Variants in DYRK1A observed in about 807,000 individuals in gnomAD.
DYRK1A encodes dual specificity tyrosine phosphorylation regulated kinase 1A.
A neutral mutation model predicts 79.7 loss-of-function variants in DYRK1A; 9 were observed. The ratio of observed to expected loss-of-function variants is 0.11; its 90% CI spans 0.07 to 0.20. The LOEUF (loss-of-function observed/expected upper bound fraction) is 0.20. DYRK1A is among the 10% of genes least tolerant of loss of function. The pLI is 1.00. For synonymous variants in DYRK1A, 349 were observed against 329.7 expected, an observed-to-expected ratio of 1.06 and a Z score of -0.63; for missense variants, 622 against 956.0, an observed-to-expected ratio of 0.65 and a Z score of 4.61.
chr21:37,500,833 A>G (rs1006046295), intron 9 of DYRK1A, among the ~76,000 whole-genome samples: 57 of 151,582 alleles, frequency 3.8e-4, no homozygotes, highest in Non-Finnish European at 6.6e-4. Context: ...GATATTGGCC[A>G]TTTGTACTTT....
At chr21:37,401,982 C>A (rs888827303) in intron 1 of DYRK1A, among the ~76,000 whole-genome samples, 3 of 152,122 alleles carry the variant, frequency 2.0e-5, no homozygotes, top group Non-Finnish European at 4.4e-5. Flanking sequence ...TGACAATTTC[C>A]ACTTCCCACT....
chr21:37,471,646 C>CA (rs1390861221), intron 2 of DYRK1A, among the ~76,000 whole-genome samples: 1 of 152,308 alleles, frequency 6.6e-6, no homozygotes, highest in East Asian at 1.9e-4. Flanking sequence ...GGCCATACAG[C>CA]TGGTCACCGG....
intron 4 of DYRK1A, among the ~76,000 whole-genome samples, 164 bp downstream of exon 4, chr21:37,478,464 A>G (rs2052482476): frequency 6.6e-6 from 1 of 152,210 alleles, no homozygotes; most frequent in African/African-American, 2.4e-5. Context: ...TATGTAAAAG[A>G]TATATTAACA....
intron 2 of DYRK1A, among the ~76,000 whole-genome samples, chr21:37,438,444 A>T (rs982632669): frequency 2.0e-5 from 3 of 151,962 alleles, no homozygotes; most frequent in African/African-American, 7.3e-5. Flanking sequence ...TAGATTTTAC[A>T]GTTTTAGGTT....
At chr21:37,495,166 G>GTGTA (rs1377672468) in intron 8 of DYRK1A, among the ~76,000 whole-genome samples, 884 of 82,732 alleles carry the variant, frequency 0.011, 11 homozygotes, top group African/African-American at 0.034. Flanking sequence ...GTGTGTGTGT[G>GTGTA]TGTGTGTGTG....
At chr21:37,374,519 T>C (rs1023643525) in intron 1 of DYRK1A, among the ~76,000 whole-genome samples, 10 of 151,842 alleles carry the variant, frequency 6.6e-5, no homozygotes, top group African/African-American at 2.4e-4. Flanking sequence ...CTCAGATGCC[T>C]CTCTTTCTGT....
At chr21:37,490,035 T>A in intron 6 of DYRK1A, 140 bp from the exon 7 acceptor site, 1 of 842,510 alleles carries the variant, frequency 1.2e-6, no homozygotes, top group Non-Finnish European at 1.8e-6. Flanking sequence ...ACTGCTGTTA[T>A]TACAAAATGC....
At chr21:37,467,247 G>A (rs919474106) in intron 2 of DYRK1A, among the ~76,000 whole-genome samples, 4 of 151,742 alleles carry the variant, frequency 2.6e-5, no homozygotes, top group Non-Finnish European at 5.9e-5. Flanking sequence ...ATCTTTTTTT[G>A]TTTGTTTTCA....
chr21:37,381,282 A>G (rs1569280152), intron 1 of DYRK1A, among the ~76,000 whole-genome samples: 1 of 152,254 alleles, frequency 6.6e-6, no homozygotes, highest in African/African-American at 2.4e-5. Flanking sequence ...AAAGGAAAAG[A>G]TGAAGTTTTT....
chr21:37,463,138 T>A (rs1376764956), intron 2 of DYRK1A, among the ~76,000 whole-genome samples: 2 of 151,958 alleles, frequency 1.3e-5, no homozygotes, highest in African/African-American at 4.8e-5. Context: ...TTGAGTATGC[T>A]CTTTTGGCTA....
At chr21:37,372,304 A>C (rs964857267) in intron 1 of DYRK1A, among the ~76,000 whole-genome samples, 13 of 142,802 alleles carry the variant, frequency 9.1e-5, no homozygotes, top group African/African-American at 3.2e-4. Flanking sequence ...CAAAAAAAAA[A>C]CAGGTGTGTT....
chr21:37,413,977 T>C (rs981875195), intron 1 of DYRK1A, among the ~76,000 whole-genome samples: 5 of 152,110 alleles, frequency 3.3e-5, no homozygotes, highest in African/African-American at 1.2e-4. Flanking sequence ...CCTCAATAGG[T>C]GTTTGCTTAA....
rs754084352 is a variant in DYRK1A at position 37,512,095 on chromosome 21, A to G, written c.1829A>G (p.His610Arg). 9 of 1,614,126 alleles carry G rather than the reference A, an allele frequency of 5.6e-6. No homozygotes were observed. The highest frequency in any genetic ancestry group is 7.6e-6 in the Non-Finnish European group (9 of 1,180,010). ...HHHHHHHHHHHGQQALGNRTR... is the reference protein window; with the variant it reads ...HHHHHHHHHHRGQQALGNRTR... ...CACCACCACCACCATCACCACCACCATGGACAACAAGCCTTGGGTAACCGG... is the reference window on the plus strand; with the variant it reads ...CACCACCACCACCATCACCACCACCGTGGACAACAAGCCTTGGGTAACCGG... The change falls in exon 12 of 12, where the codon CAT becomes CGT. Residue 610 changes from histidine to arginine, a missense_variant. Physicochemically the swap from His to Arg is conservative, Grantham distance 29 (BLOSUM62 0). Transcript: ENST00000647188.
At chr21:37,369,862 A>G (rs1239191204) in intron 1 of DYRK1A, among the ~76,000 whole-genome samples, 1 of 152,258 alleles carries the variant, frequency 6.6e-6, no homozygotes, top group Non-Finnish European at 1.5e-5. Flanking sequence ...ACCTATTAGA[A>G]ACTTAACACA....
At chr21:37,416,255 C>T (rs1290216801) in intron 1 of DYRK1A, among the ~76,000 whole-genome samples, 1 of 150,180 alleles carries the variant, frequency 6.7e-6, no homozygotes, top group South Asian at 2.1e-4. Flanking sequence ...GTTCATTTCC[C>T]TGTAGTTTTA....
intron 2 of DYRK1A, among the ~76,000 whole-genome samples, chr21:37,430,702 T>C (rs1432648480): frequency 1.3e-5 from 2 of 152,186 alleles, no homozygotes; most frequent in African/African-American, 4.8e-5. Flanking sequence ...GGAGGCCTCA[T>C]TAAGCAGTTT....
chr21:37,485,119 G>A (rs147911413), intron 5 of DYRK1A, among the ~76,000 whole-genome samples: 1 of 152,084 alleles, frequency 6.6e-6, no homozygotes, highest in Admixed American at 6.5e-5. Flanking sequence ...AATTCTCTAG[G>A]CATTGATGTA....
At chr21:37,511,159 G>A (rs531799149) in intron 11 of DYRK1A, among the ~76,000 whole-genome samples, 5 of 152,306 alleles carry the variant, frequency 3.3e-5, no homozygotes, top group African/African-American at 1.2e-4. Context: ...AGGTAGCCAG[G>A]GATAGGATGG....
chr21:37,469,493 C>T (rs1475507958), intron 2 of DYRK1A, among the ~76,000 whole-genome samples: 1 of 152,126 alleles, frequency 6.6e-6, no homozygotes, highest in Non-Finnish European at 1.5e-5. Context: ...TAAATAAATA[C>T]CTGAGACTGG....
Sources: allele counts gnomAD v4.1 joint callset (sites outside exome capture counted in the v4.1 genomes callset), GRCh38; gene constraint gnomAD v4.1.1; transcripts MANE v1.5; gene names NCBI Gene and HGNC (gene_info 2026-07-23, HGNC 2026-07-21).